Variants in HORMAD2 observed in about 807,000 individuals in gnomAD.
The protein encoded by HORMAD2 is HORMA domain-containing protein 2.
A neutral mutation model predicts 38.8 loss-of-function variants in HORMAD2; 45 were observed. The observed-to-expected ratio is 1.16, with a 90% CI of 0.91 to 1.49. The LOEUF (loss-of-function observed/expected upper bound fraction) is 1.49. Among genes scored for constraint, HORMAD2 ranks in the 40% most tolerant of loss-of-function variants. HORMAD2 has a pLI of 0.00. For synonymous variants in HORMAD2, 126 were observed against 122.8 expected (o/e 1.03, Z -0.17); for missense variants, 338 against 367.0 (o/e 0.92, Z 0.65).
intron 10 of HORMAD2, chr22:30,137,551 C>T (rs1449423336): frequency 6.5e-6 from 1 of 152,676 alleles, no homozygotes; most frequent in African/African-American, 2.4e-5. Flanking sequence ...AAGGAAGAGA[C>T]AGAGAGAAAT....
chr22:30,202,563 C>G, the HORMAD2 span, among the ~76,000 whole-genome samples: 38,394 of 151,996 alleles, frequency 0.25, 5,835 homozygotes, highest in Middle Eastern at 0.4. Context: ...TTTATCTGCA[C>G]AAGTCTCAGA....
At chr22:30,205,434 C>T in the HORMAD2 span, among the ~76,000 whole-genome samples, 5 of 152,172 alleles carry the variant, frequency 3.3e-5, no homozygotes, top group East Asian at 1.9e-4. Flanking sequence ...TACCTCGTTT[C>T]GCAGACGGGG....
the HORMAD2 span, among the ~76,000 whole-genome samples, chr22:30,206,771 T>G: frequency 6.6e-6 from 1 of 152,140 alleles, no homozygotes; most frequent in African/African-American, 2.4e-5. Flanking sequence ...GCCCGGCCAA[T>G]CTCAGAGAGT....
the HORMAD2 span, among the ~76,000 whole-genome samples, chr22:30,183,402 T>G: frequency 8.8e-4 from 134 of 151,800 alleles, no homozygotes; most frequent in African/African-American, 3.1e-3. Context: ...TTTGTCAGAG[T>G]TTTTCAGCTT....
intron 4 of HORMAD2, 140 bp from the exon 5 acceptor site, chr22:30,104,261 A>C (rs1307068612): frequency 1.4e-6 from 1 of 701,736 alleles, no homozygotes; most frequent in Non-Finnish European, 2.5e-6. Context: ...TGGAAGTTTA[A>C]AAAAATGATT....
Position 30,111,827 on chromosome 22 carries a change from A to T in HORMAD2, c.315+11A>T, listed in dbSNP as rs746017743. The T allele has an allele frequency of 6.4e-7, 1 of 1,566,586 alleles. No individual in the cohort carries two copies. The highest frequency in any genetic ancestry group is 2.3e-5 in the East Asian group (1 of 43,168). On this transcript the variant is annotated intron_variant, in intron 6 of 10. Coordinates refer to ENST00000336726, the MANE Select transcript of HORMAD2 (RefSeq NM_152510.4). ...ATGGCAGTACTGACAGTAAGTACAC[A>T]CTCATTTAAAGACCAAGCCTCTGTC...
intron 2 of HORMAD2, among the ~76,000 whole-genome samples, chr22:30,097,233 A>C (rs894479368): frequency 3.3e-5 from 5 of 152,224 alleles, no homozygotes; most frequent in African/African-American, 9.6e-5. Flanking sequence ...TTGAAATGAT[A>C]ATTTGAGATA....
intron 5 of HORMAD2, chr22:30,105,206 CT>C: frequency 6.2e-6 from 1 of 161,584 alleles, no homozygotes. Flanking sequence ...CTTGAAGGCC[CT>C]TTTGTCCTTG....
chr22:30,133,672 G>A (rs954843088), intron 10 of HORMAD2, among the ~76,000 whole-genome samples: 4 of 151,270 alleles, frequency 2.6e-5, no homozygotes, highest in Admixed American at 6.6e-5. Context: ...GATTGGGTCC[G>A]TACTGAACAT....
At chr22:30,111,353 G>T (rs1921638125) in intron 5 of HORMAD2, among the ~76,000 whole-genome samples, 1 of 151,946 alleles carries the variant, frequency 6.6e-6, no homozygotes, top group Admixed American at 6.6e-5. Flanking sequence ...GGGCATTGAG[G>T]CGGGCATCTG....
intron 10 of HORMAD2, among the ~76,000 whole-genome samples, chr22:30,130,958 C>T (rs1324983925): frequency 6.6e-6 from 1 of 152,038 alleles, no homozygotes; most frequent in African/African-American, 2.4e-5. Context: ...TCTACACAAA[C>T]ACAAAAGCAC....
At chr22:30,206,924 A>G in the HORMAD2 span, 1 of 381,746 alleles carries the variant, frequency 2.6e-6, no homozygotes, top group Non-Finnish European at 5.6e-6. Flanking sequence ...AGCATCATTC[A>G]AGGGAAATGG....
chr22:30,183,691 A>G, the HORMAD2 span, among the ~76,000 whole-genome samples: 1 of 152,246 alleles, frequency 6.6e-6, no homozygotes, highest in Non-Finnish European at 1.5e-5. Context: ...ATCGGCTTCC[A>G]GTGATCATAT....
chr22:30,159,836 G>A (rs1005737587), intron 10 of HORMAD2, among the ~76,000 whole-genome samples: 11 of 152,052 alleles, frequency 7.2e-5, no homozygotes, highest in Non-Finnish European at 1.5e-5. Flanking sequence ...GTATATGCAA[G>A]GTCCTTAGTT....
At chr22:30,189,613 C>T in the HORMAD2 span, among the ~76,000 whole-genome samples, 3 of 152,250 alleles carry the variant, frequency 2.0e-5, no homozygotes, top group South Asian at 4.1e-4. Flanking sequence ...ACCTGTACCA[C>T]GTACATGGCA....
chr22:30,097,222 G>A (rs1038827401), intron 2 of HORMAD2, among the ~76,000 whole-genome samples: 2 of 152,184 alleles, frequency 1.3e-5, no homozygotes, highest in African/African-American at 4.8e-5. Context: ...TCAAACATAT[G>A]TTGAAATGAT....
intron 1 of HORMAD2, among the ~76,000 whole-genome samples, chr22:30,090,769 TG>T (rs1165743378): frequency 6.6e-6 from 1 of 152,230 alleles, no homozygotes; most frequent in Non-Finnish European, 1.5e-5. Context: ...TACATATTTA[TG>T]GGGTACAGAG....
At chr22:30,097,494 A>G (rs1390203622) in intron 2 of HORMAD2, among the ~76,000 whole-genome samples, 5 of 152,206 alleles carry the variant, frequency 3.3e-5, no homozygotes, top group Non-Finnish European at 1.5e-5. Context: ...ACAGAACACT[A>G]TGTGACATCT....
chr22:30,129,089 G>A (rs1223216850), intron 10 of HORMAD2, among the ~76,000 whole-genome samples: 2 of 151,512 alleles, frequency 1.3e-5, no homozygotes, highest in African/African-American at 4.8e-5. Context: ...GTGGTGGTGG[G>A]CACCTGTAGT....
Sources: allele counts gnomAD v4.1 joint callset (sites outside exome capture counted in the v4.1 genomes callset), GRCh38; gene constraint gnomAD v4.1.1; transcripts MANE v1.5; gene names NCBI Gene and HGNC (gene_info 2026-07-23, HGNC 2026-07-21).